IL1RAPL2: variants seen among roughly 807,000 people sequenced by gnomAD.
IL1RAPL2 encodes the protein interleukin 1 receptor accessory protein like 2.
A neutral mutation model predicts 44.1 loss-of-function variants in IL1RAPL2; 3 were observed. The observed-to-expected ratio is 0.07, with a 90% CI of 0.03 to 0.18. The LOEUF is 0.18. Among genes scored for constraint, IL1RAPL2 ranks in the 10% least tolerant of loss-of-function variants. The pLI is 1.00. For synonymous variants in IL1RAPL2, 181 were observed against 178.8 expected (o/e 1.01, Z -0.10); for missense variants, 391 against 496.4 (o/e 0.79, Z 2.02).
At chrX:104,619,911 G>A (rs148737541) in intron 1 of IL1RAPL2, among the ~76,000 whole-genome samples, 1,482 of 111,830 alleles carry the variant, frequency 0.013, 6 homozygotes, top group Non-Finnish European at 0.021. Context: ...CAGAGGAAAC[G>A]CTCTGGAGGA....
Position 105,389,024 on chromosome X carries a change from A to G in IL1RAPL2, c.698-95289A>G, listed in dbSNP as rs376370398. 4.5e-5 allele frequency among the ~76,000 whole-genome samples: 5 copies of G among 111,851 alleles called. No homozygotes were observed. In the South Asian group the frequency reaches 1.1e-3, roughly 25 times the overall value. On this transcript the variant is annotated intron_variant, in intron 5 of 10. Coordinates refer to ENST00000372582, the MANE Select transcript of IL1RAPL2 (RefSeq NM_017416.2). ...GTTTTAATTGTAATGTATTTTTTAAATATGCCCACAGGAAAGGTTTTTCTC... is the reference window on the plus strand; with the variant it reads ...GTTTTAATTGTAATGTATTTTTTAAGTATGCCCACAGGAAAGGTTTTTCTC...
intron 2 of IL1RAPL2, among the ~76,000 whole-genome samples, chrX:104,743,594 A>G (rs1932129232): frequency 9.0e-6 from 1 of 111,266 alleles, no homozygotes; most frequent in South Asian, 3.8e-4. Flanking sequence ...GTCATTTGGT[A>G]CTTCCTGAGC....
At chrX:104,656,022 C>T (rs1930249838) in intron 1 of IL1RAPL2, among the ~76,000 whole-genome samples, 1 of 110,681 alleles carries the variant, frequency 9.0e-6, no homozygotes, top group Non-Finnish European at 1.9e-5. Context: ...GGTGACATTC[C>T]CTTTATCATA....
At chrX:105,203,501 A>C (rs182093422) in intron 3 of IL1RAPL2, among the ~76,000 whole-genome samples, 3 of 86,459 alleles carry the variant, frequency 3.5e-5, no homozygotes. Flanking sequence ...TGTATCAATT[A>C]TATCTCAATA....
intron 6 of IL1RAPL2, among the ~76,000 whole-genome samples, chrX:105,679,061 A>AAGTC (rs931927483): frequency 3.7e-5 from 4 of 108,730 alleles, no homozygotes; most frequent in African/African-American, 6.7e-5. Context: ...GTGATAGACA[A>AAGTC]AGTCATTTCT....
intron 6 of IL1RAPL2, among the ~76,000 whole-genome samples, chrX:105,572,154 C>G (rs747200376): frequency 1.7e-4 from 19 of 111,228 alleles, no homozygotes; most frequent in African/African-American, 6.2e-4. Flanking sequence ...AATTTTTCCC[C>G]GACATGTCCA....
At chrX:105,093,835 T>C (rs1315025437) in intron 2 of IL1RAPL2, among the ~76,000 whole-genome samples, 2 of 111,455 alleles carry the variant, frequency 1.8e-5, no homozygotes, top group African/African-American at 3.3e-5. Context: ...CATAGGAAAA[T>C]TATTTTGCTT....
Position 105,036,055 on chromosome X carries a change from T to A in IL1RAPL2, c.83-159420T>A, listed in dbSNP as rs1339352198. ...ATGGCCTCTATGGAAGATCATGAGG[T>A]ATCAGTGTCATTCTTTTGGTAATGA... On this transcript the variant is annotated intron_variant, in intron 2 of 10. Transcript: ENST00000372582. Among the ~76,000 whole-genome samples the A allele has an allele frequency of 2.7e-5, 3 of 111,862 alleles. No homozygotes were observed. In the Admixed American group the frequency reaches 2.9e-4, roughly 11 times the overall value.
At chrX:105,221,263 A>G (rs544209740) in intron 3 of IL1RAPL2, among the ~76,000 whole-genome samples, 1 of 111,437 alleles carries the variant, frequency 9.0e-6, no homozygotes, top group African/African-American at 3.3e-5. Flanking sequence ...TTTGGCCTGT[A>G]GATGTCAAAC....
chrX:105,212,519 C>T (rs781862072), intron 3 of IL1RAPL2, among the ~76,000 whole-genome samples: 19 of 111,998 alleles, frequency 1.7e-4, no homozygotes, highest in Middle Eastern at 4.6e-3. Context: ...AGGGAAAGGG[C>T]GGCTGTGAGT....
At chrX:105,036,819 T>C (rs1372540115) in intron 2 of IL1RAPL2, among the ~76,000 whole-genome samples, 1 of 111,990 alleles carries the variant, frequency 8.9e-6, no homozygotes, top group Non-Finnish European at 1.9e-5. Flanking sequence ...TTTGGAGATA[T>C]TGCAGCAAAA....
intron 2 of IL1RAPL2, among the ~76,000 whole-genome samples, chrX:104,824,203 A>G (rs1921388970): frequency 8.9e-6 from 1 of 112,078 alleles, no homozygotes. Flanking sequence ...TGATTTGCAT[A>G]TGTTGAATCA....
chrX:105,488,405 A>G (rs1213666641), intron 6 of IL1RAPL2, among the ~76,000 whole-genome samples: 2 of 112,039 alleles, frequency 1.8e-5, no homozygotes, highest in Non-Finnish European at 3.8e-5. Context: ...ATATAAGTGA[A>G]GAAGATATCT....
chrX:104,820,022 A>G (rs1921258315), intron 2 of IL1RAPL2, among the ~76,000 whole-genome samples: 1 of 111,456 alleles, frequency 9.0e-6, no homozygotes, highest in South Asian at 3.8e-4. Flanking sequence ...ACCAATAGAA[A>G]TCTTAAATAT....
intron 2 of IL1RAPL2, among the ~76,000 whole-genome samples, chrX:105,151,695 G>T (rs1441868111): frequency 9.1e-6 from 1 of 109,550 alleles, no homozygotes; most frequent in Admixed American, 9.9e-5. Flanking sequence ...AACCTATGTT[G>T]TTTCAACATA....
In IL1RAPL2 at chrX:105,483,620, T is replaced by C. The variant is rs562202469; in HGVS notation, c.698-693T>C. On this transcript the variant is annotated intron_variant, in intron 5 of 10. Coordinates refer to ENST00000372582, the MANE Select transcript of IL1RAPL2 (RefSeq NM_017416.2). ...CCTTCCAGCGAATATTAACCTCTCCTTTCTCCATTTCTTTACCACCTATAT... is the reference window on the plus strand; with the variant it reads ...CCTTCCAGCGAATATTAACCTCTCCCTTCTCCATTTCTTTACCACCTATAT... Among the ~76,000 whole-genome samples the C allele has an allele frequency of 2.3e-4, 26 of 111,594 alleles. 1 individual carries two copies. In the South Asian group the frequency reaches 7.9e-3, roughly 34 times the overall value.
intron 2 of IL1RAPL2, among the ~76,000 whole-genome samples, chrX:104,960,596 G>C (rs1169524996): frequency 9.0e-6 from 1 of 111,167 alleles, no homozygotes; most frequent in South Asian, 3.8e-4. Context: ...TTCAAATACT[G>C]GCTAATTGCA....
At chrX:105,758,652 C>T (rs2038660315) in intron 10 of IL1RAPL2, among the ~76,000 whole-genome samples, 1 of 111,934 alleles carries the variant, frequency 8.9e-6, no homozygotes, top group African/African-American at 3.2e-5. Flanking sequence ...ACTACCTTTC[C>T]ATTCTTGAGC....
At chrX:105,517,657 C>CA (rs1217904871) in intron 6 of IL1RAPL2, among the ~76,000 whole-genome samples, 25 of 109,865 alleles carry the variant, frequency 2.3e-4, no homozygotes, top group East Asian at 8.6e-4. Flanking sequence ...CTCTGTCATT[C>CA]AAAAAAAACA....
Sources: allele counts gnomAD v4.1 joint callset (sites outside exome capture counted in the v4.1 genomes callset), GRCh38; gene constraint gnomAD v4.1.1; transcripts MANE v1.5; gene names NCBI Gene and HGNC (gene_info 2026-07-23, HGNC 2026-07-21).